Variants in VRK2 observed in about 807,000 individuals in gnomAD.
VRK2 encodes the protein VRK serine/threonine kinase 2.
VRK2 carries 60 observed loss-of-function variants against 57.6 expected under a neutral mutation model. That is an observed-to-expected ratio of 1.04 (90% CI 0.85 to 1.29). The LOEUF is 1.29. VRK2 is among the 50% of genes most tolerant of loss of function. The pLI is 0.00. For synonymous variants in VRK2, 231 were observed against 199.2 expected (o/e 1.16, Z -1.35); for missense variants, 705 against 588.1 (o/e 1.20, Z -2.06).
At chr2:57,931,497 C>T (rs974890557) in intron 1 of VRK2, among the ~76,000 whole-genome samples, 8 of 152,074 alleles carry the variant, frequency 5.3e-5, no homozygotes, top group African/African-American at 1.9e-4. Context: ...TGTATGAGTT[C>T]TCTAGATATT....
At chr2:58,118,532 A>G (rs992838671) in intron 7 of VRK2, among the ~76,000 whole-genome samples, 6 of 152,238 alleles carry the variant, frequency 3.9e-5, no homozygotes, top group African/African-American at 1.4e-4. Flanking sequence ...TGGAGAAGAT[A>G]GTAAAAAGAG....
chr2:57,919,192 T>C lies in VRK2; in HGVS notation c.-439+11353T>C, dbSNP rs144297699. On this transcript the variant is annotated intron_variant, in intron 1 of 15. Transcript: ENST00000417641. Reference sequence around the variant, plus strand: ...AGGGGAAAAAAAGATAGCCTAAAAGTAAGTATCAAATAGGGAAGTTTTGAG... The same window carrying C: ...AGGGGAAAAAAAGATAGCCTAAAAGCAAGTATCAAATAGGGAAGTTTTGAG... Among the ~76,000 whole-genome samples, 207 of 152,036 alleles carry C rather than the reference T, an allele frequency of 1.4e-3. 2 individuals are homozygous for C. Among genetic ancestry groups the C allele is most frequent in the African/African-American group, 4.7e-3 (197 of 41,496 alleles).
At chr2:58,092,951 A>G (rs1350132111) in intron 7 of VRK2, among the ~76,000 whole-genome samples, 1 of 152,116 alleles carries the variant, frequency 6.6e-6, no homozygotes, top group South Asian at 2.1e-4. Context: ...CCTGAGAATG[A>G]TGGTTTCCAG....
chr2:58,121,537 C>G (rs1020361033), intron 7 of VRK2, among the ~76,000 whole-genome samples: 20 of 152,248 alleles, frequency 1.3e-4, no homozygotes, highest in African/African-American at 4.6e-4. Flanking sequence ...GAAAGAGAGA[C>G]AAACTGAAAT....
chr2:57,986,072 T>C (rs1672584520), intron 1 of VRK2, among the ~76,000 whole-genome samples: 2 of 152,152 alleles, frequency 1.3e-5, no homozygotes, highest in African/African-American at 4.8e-5. Flanking sequence ...CTTATACACC[T>C]TGAAGCATAA....
intron 2 of VRK2, chr2:58,026,998 C>A (rs991816266): frequency 6.6e-6 from 1 of 151,938 alleles, no homozygotes; most frequent in Non-Finnish European, 1.5e-5. Context: ...GGATTACAGG[C>A]TTGAGCCACC....
In VRK2 at chr2:58,159,416, C is replaced by A; in HGVS notation, c.1250C>A (p.Pro417Gln). 6.2e-7 allele frequency: 1 copy of A among 1,613,374 alleles called. No individual in the cohort carries two copies. The highest frequency in any genetic ancestry group is 8.5e-7 in the Non-Finnish European group (1 of 1,179,646). ...CCTTTGAATGAAGTAAACAGTTTCCCACAAAAAATCAGCTATACACAATTC... is the reference window on the plus strand; with the variant it reads ...CCTTTGAATGAAGTAAACAGTTTCCAACAAAAAATCAGCTATACACAATTC... ...QEPLNEVNSF[P>Q]QKISYTQFPN... Residue 417 changes from proline to glutamine, a missense_variant, in exon 13 of 13, where the codon CCA becomes CAA. Physicochemically the swap from Pro to Gln is moderately conservative, Grantham distance 76. Coordinates refer to ENST00000340157, the MANE Select transcript of VRK2 (RefSeq NM_006296.7).
At chr2:57,995,925 T>C (rs1275556130) in intron 1 of VRK2, among the ~76,000 whole-genome samples, 1 of 152,224 alleles carries the variant, frequency 6.6e-6, no homozygotes, top group Admixed American at 6.5e-5. Flanking sequence ...CACTCAGTCT[T>C]CTGTATCTAT....
chr2:57,990,564 CCCTAAG>C (rs1270898760), intron 1 of VRK2, among the ~76,000 whole-genome samples: 1 of 152,146 alleles, frequency 6.6e-6, no homozygotes, highest in Non-Finnish European at 1.5e-5. Context: ...CAGAAAACAG[CCCTAAG>C]CCTAATATTG....
At chr2:57,971,314 T>A (rs184069506) in intron 1 of VRK2, among the ~76,000 whole-genome samples, 82 of 152,082 alleles carry the variant, frequency 5.4e-4, no homozygotes, top group African/African-American at 1.9e-3. Flanking sequence ...TTGAGGATTG[T>A]CATGGAGGCA....
chr2:57,912,636 T>A (rs1340997332), intron 1 of VRK2, among the ~76,000 whole-genome samples: 1 of 152,136 alleles, frequency 6.6e-6, no homozygotes, highest in Non-Finnish European at 1.5e-5. Flanking sequence ...ATGGTTTAGT[T>A]GGATATTTGT....
chr2:58,071,637 A>G (rs1235074820), intron 2 of VRK2, among the ~76,000 whole-genome samples: 2 of 151,946 alleles, frequency 1.3e-5, no homozygotes, highest in African/African-American at 2.4e-5. Context: ...TAGGCTATCT[A>G]TTACATTGAT....
intron 2 of VRK2, among the ~76,000 whole-genome samples, chr2:58,032,921 A>G (rs1279781495): frequency 6.6e-6 from 1 of 152,116 alleles, no homozygotes; most frequent in Non-Finnish European, 1.5e-5. Context: ...AATCTGCTTC[A>G]CGTAATTTGT....
intron 2 of VRK2, among the ~76,000 whole-genome samples, chr2:58,067,888 C>A (rs185456277): frequency 5.5e-4 from 83 of 151,582 alleles, no homozygotes; most frequent in Admixed American, 4.2e-3. Context: ...TCCTCAATAT[C>A]TTTTTTTCTT....
chr2:58,094,070 T>C (rs978859355), intron 7 of VRK2, among the ~76,000 whole-genome samples: 9 of 152,200 alleles, frequency 5.9e-5, no homozygotes, highest in African/African-American at 1.4e-4. Flanking sequence ...TACTGTAGCC[T>C]TGTAGTATAG....
intron 7 of VRK2, among the ~76,000 whole-genome samples, chr2:58,115,103 T>C (rs1021415711): frequency 6.6e-6 from 1 of 152,140 alleles, no homozygotes; most frequent in Admixed American, 6.5e-5. Flanking sequence ...AGAGGCGGGC[T>C]AGTGGCTCGT....
intron 2 of VRK2, among the ~76,000 whole-genome samples, chr2:58,031,957 C>T (rs774737184): frequency 6.6e-6 from 1 of 152,104 alleles, no homozygotes; most frequent in Non-Finnish European, 1.5e-5. Flanking sequence ...CAATCAGTGT[C>T]TTACAATGAC....
intron 1 of VRK2, among the ~76,000 whole-genome samples, chr2:57,919,642 G>C (rs1670272775): frequency 1.3e-5 from 2 of 152,014 alleles, no homozygotes; most frequent in Admixed American, 1.3e-4. Flanking sequence ...TCTGTATCCA[G>C]AAATTTTGAA....
intron 7 of VRK2, among the ~76,000 whole-genome samples, chr2:58,097,007 C>T (rs1004886253): frequency 4.6e-5 from 7 of 151,912 alleles, no homozygotes; most frequent in African/African-American, 1.7e-4. Flanking sequence ...AGACTTATCA[C>T]AATATTATTA....
Sources: allele counts gnomAD v4.1 joint callset (sites outside exome capture counted in the v4.1 genomes callset), GRCh38; gene constraint gnomAD v4.1.1; transcripts MANE v1.5; gene names NCBI Gene and HGNC (gene_info 2026-07-23, HGNC 2026-07-21).